Variants in SRPK2 observed in about 807,000 individuals in gnomAD.
SRPK2 encodes SFRS protein kinase 2.
Under a neutral mutation model 90.8 loss-of-function variants are expected in SRPK2, and 21 were observed. That is an observed-to-expected ratio of 0.23 (90% CI 0.16 to 0.33). SRPK2 has a LOEUF of 0.33. Ranked by LOEUF, SRPK2 falls within the 10% of genes least tolerant of loss-of-function variation. The probability of loss-of-function intolerance (pLI) is 1.00; values close to 1 mark genes in which losing one functional copy is unlikely to be tolerated. For synonymous variants in SRPK2, 288 were observed against 311.1 expected (o/e 0.93, Z 0.78); for missense variants, 620 against 869.0 (o/e 0.71, Z 3.60).
chr7:105,331,329 A>AC (rs1563248647), intron 2 of SRPK2, among the ~76,000 whole-genome samples: 4 of 145,352 alleles, frequency 2.8e-5, no homozygotes, highest in African/African-American at 1.0e-4. Flanking sequence ...AAAAAAAAAA[A>AC]AAAAAAAACA....
chr7:105,300,943 G>A (rs1170899471), intron 2 of SRPK2, among the ~76,000 whole-genome samples: 8 of 152,312 alleles, frequency 5.3e-5, no homozygotes, highest in African/African-American at 7.2e-5. Context: ...TTCAACCGTC[G>A]TGGAAGACAG....
At chr7:105,247,218 C>T (rs941260395) in intron 2 of SRPK2, among the ~76,000 whole-genome samples, 1 of 152,162 alleles carries the variant, frequency 6.6e-6, no homozygotes, top group Non-Finnish European at 1.5e-5. Context: ...TCTCTATATA[C>T]TAACTAAGTC....
chr7:105,276,235 T>C (rs1806474199), intron 2 of SRPK2, among the ~76,000 whole-genome samples: 1 of 151,516 alleles, frequency 6.6e-6, no homozygotes, highest in Non-Finnish European at 1.5e-5. Flanking sequence ...TGCACACCAC[T>C]ATGCTTGGCT....
chr7:105,354,227 C>T (rs1218757535), intron 2 of SRPK2, among the ~76,000 whole-genome samples: 1 of 152,138 alleles, frequency 6.6e-6, no homozygotes, highest in African/African-American at 2.4e-5. Context: ...ACCACAGAGC[C>T]CTATGTCCTC....
chr7:105,381,244 GAAAAAAA>G (rs879733094), intron 2 of SRPK2, among the ~76,000 whole-genome samples: 1 of 133,556 alleles, frequency 7.5e-6, no homozygotes, highest in Non-Finnish European at 1.6e-5. Flanking sequence ...ACTGCCTCAA[GAAAAAAA>G]AAAAAAGTTA....
chr7:105,289,613 C>A (rs931902530), intron 2 of SRPK2, among the ~76,000 whole-genome samples: 4 of 152,172 alleles, frequency 2.6e-5, no homozygotes, highest in African/African-American at 7.2e-5. Flanking sequence ...AAATTATTCA[C>A]ACTAATTATT....
intron 3 of SRPK2, among the ~76,000 whole-genome samples, chr7:105,188,637 A>C (rs1332976940): frequency 1.3e-5 from 2 of 152,214 alleles, no homozygotes; most frequent in Non-Finnish European, 2.9e-5. Flanking sequence ...AGGTTAAAAC[A>C]GGATCCAAAA....
chr7:105,249,762 TAAA>T (rs1485808475), intron 2 of SRPK2, among the ~76,000 whole-genome samples: 1 of 152,218 alleles, frequency 6.6e-6, no homozygotes. Context: ...CAATAATAGT[TAAA>T]TGCTTTTGAA....
At chr7:105,218,903 G>A (rs953418462) in intron 2 of SRPK2, among the ~76,000 whole-genome samples, 2 of 150,598 alleles carry the variant, frequency 1.3e-5, no homozygotes. Context: ...ACAAATAAAA[G>A]AAAAAAAATC....
chr7:105,161,950 G>A (rs751914097), intron 6 of SRPK2, among the ~76,000 whole-genome samples: 3 of 151,986 alleles, frequency 2.0e-5, no homozygotes, highest in Non-Finnish European at 4.4e-5. Flanking sequence ...GTCTCACTAC[G>A]CTGTGCCAGG....
At chr7:105,140,002 T>C (rs1803471623) in intron 11 of SRPK2, among the ~76,000 whole-genome samples, 1 of 152,176 alleles carries the variant, frequency 6.6e-6, no homozygotes, top group Admixed American at 6.5e-5. Flanking sequence ...TGTTTGCATA[T>C]AACCTACATA....
At chr7:105,168,745 A>ATGTATGTGTGTG (rs1790413401) in intron 4 of SRPK2, among the ~76,000 whole-genome samples, 1 of 104,008 alleles carries the variant, frequency 9.6e-6, no homozygotes, top group Non-Finnish European at 2.1e-5. Flanking sequence ...CACGCACCAA[A>ATGTATGTGTGTG]TGTGTGTGTG....
At position 105,248,421 on chromosome 7, in the gene SRPK2, T is replaced by C. The variant is rs187019372; in HGVS notation, c.72-44636A>G. On this transcript the variant is annotated intron_variant, in intron 2 of 15. Coordinates refer to ENST00000393651, the MANE Select transcript of SRPK2 (RefSeq NM_182692.3). ...GACTGAGCAACACAGCGAGATGCCA[T>C]CTTTACAAAAAATTTAAAAAAAAAA... Among the ~76,000 whole-genome samples, 129 of 134,250 alleles carry C rather than the reference T, an allele frequency of 9.6e-4. 2 individuals are homozygous for C. The East Asian group carries it at 0.026, about 27-fold the overall frequency. The allele number at this position is 134,250 out of a possible 152,430, so 88.1% of individuals were successfully genotyped here. A position where few individuals can be genotyped will look rare whatever the true frequency, so the allele number is the denominator to read the frequency against.
At chr7:105,386,148 A>G (rs1027905263) in intron 2 of SRPK2, among the ~76,000 whole-genome samples, 1 of 151,610 alleles carries the variant, frequency 6.6e-6, no homozygotes, top group African/African-American at 2.4e-5. Flanking sequence ...CCCCACCTCT[A>G]CTAAAAATAC....
chr7:105,252,954 G>A (rs1802686808), intron 2 of SRPK2, among the ~76,000 whole-genome samples: 3 of 151,960 alleles, frequency 2.0e-5, no homozygotes, highest in Non-Finnish European at 4.4e-5. Flanking sequence ...TGTTGGCCAG[G>A]CTGGTCTCAA....
chr7:105,361,127 A>G (rs1409262831), intron 2 of SRPK2, among the ~76,000 whole-genome samples: 2 of 152,208 alleles, frequency 1.3e-5, no homozygotes, highest in East Asian at 1.9e-4. Flanking sequence ...CAACTTCAGC[A>G]AAGTCTCAGT....
chr7:105,239,768 C>T (rs2237620), intron 2 of SRPK2, among the ~76,000 whole-genome samples: 27,682 of 152,104 alleles, frequency 0.18, 3,182 homozygotes, highest in East Asian at 0.58. Flanking sequence ...TACAGTGATA[C>T]ATGGTTGATA....
At chr7:105,363,935 C>T (rs1818723121) in intron 2 of SRPK2, among the ~76,000 whole-genome samples, 1 of 149,052 alleles carries the variant, frequency 6.7e-6, no homozygotes, top group Admixed American at 6.9e-5. Context: ...ATCACAAGGA[C>T]AGAAAACCAA....
chr7:105,321,530 A>G (rs1400757001), intron 2 of SRPK2, among the ~76,000 whole-genome samples: 2 of 152,196 alleles, frequency 1.3e-5, no homozygotes, highest in African/African-American at 4.8e-5. Flanking sequence ...GGAAAATGAA[A>G]AGACAACCTG....
Sources: allele counts gnomAD v4.1 joint callset (sites outside exome capture counted in the v4.1 genomes callset), GRCh38; gene constraint gnomAD v4.1.1; transcripts MANE v1.5; gene names NCBI Gene and HGNC (gene_info 2026-07-23, HGNC 2026-07-21).